LHFPL3: variants seen among roughly 807,000 people sequenced by gnomAD.
LHFPL3 encodes LHFPL tetraspan subfamily member 3 protein.
Under a neutral mutation model 19.3 loss-of-function variants are expected in LHFPL3, and 5 were observed. The ratio of observed to expected loss-of-function variants is 0.26; its 90% CI spans 0.14 to 0.54. LHFPL3 has a LOEUF of 0.54. Among genes scored for constraint, LHFPL3 ranks in the 20% least tolerant of loss-of-function variants. LHFPL3 has a pLI of 0.94. For synonymous variants in LHFPL3, 133 were observed against 126.2 expected (o/e 1.05, Z -0.36); for missense variants, 249 against 307.4 (o/e 0.81, Z 1.42).
At chr7:104,755,133 G>T (rs1794257885) in intron 2 of LHFPL3, among the ~76,000 whole-genome samples, 1 of 152,136 alleles carries the variant, frequency 6.6e-6, no homozygotes, top group African/African-American at 2.4e-5. Context: ...TCTGGGGGTG[G>T]CTTTGCCCCA....
intron 2 of LHFPL3, among the ~76,000 whole-genome samples, chr7:104,760,861 A>G (rs1214006769): frequency 6.6e-6 from 1 of 150,960 alleles, no homozygotes; most frequent in Admixed American, 6.6e-5. Context: ...GGGCCTTTCC[A>G]TTCCTCTTAT....
In LHFPL3 at chr7:104,647,648, T is replaced by G. The variant is rs569950601; in HGVS notation, c.446-89027T>G. ...AATAAGAAGAGTTTTGTTTTTCTCG[T>G]GTTAAATTCTTGGAATTTGTTTTAA... On this transcript the variant is annotated intron_variant, in intron 1 of 2. Coordinates refer to ENST00000424859, the MANE Select transcript of LHFPL3 (RefSeq NM_199000.3). Among the ~76,000 whole-genome samples the G allele has an allele frequency of 2.6e-3, 402 of 152,380 alleles. 2 individuals are homozygous for G. Among genetic ancestry groups the G allele is most frequent in the African/African-American group, 9.3e-3 (386 of 41,596 alleles).
chr7:104,337,527 C>T (rs988304050), intron 1 of LHFPL3, among the ~76,000 whole-genome samples: 1 of 152,036 alleles, frequency 6.6e-6, no homozygotes, highest in South Asian at 2.1e-4. Flanking sequence ...GGGAGAGATA[C>T]TAGATGTATG....
chr7:104,540,692 C>G (rs768160712), intron 1 of LHFPL3, among the ~76,000 whole-genome samples: 6 of 152,174 alleles, frequency 3.9e-5, no homozygotes, highest in Non-Finnish European at 7.3e-5. Context: ...TCATATTTAA[C>G]CATCACAATG....
At chr7:104,546,210 G>A (rs955660758) in intron 1 of LHFPL3, among the ~76,000 whole-genome samples, 1 of 152,120 alleles carries the variant, frequency 6.6e-6, no homozygotes, top group African/African-American at 2.4e-5. Context: ...TTTGCATCCT[G>A]ACTTTGAAAG....
At chr7:104,736,186 C>T (rs1017862425) in intron 1 of LHFPL3, among the ~76,000 whole-genome samples, 11 of 151,936 alleles carry the variant, frequency 7.2e-5, no homozygotes, top group Non-Finnish European at 1.6e-4. Context: ...AGGGGTGATC[C>T]CAATATAAAA....
At chr7:104,583,699 A>C (rs113074158) in intron 1 of LHFPL3, among the ~76,000 whole-genome samples, 1 of 152,058 alleles carries the variant, frequency 6.6e-6, no homozygotes, top group Non-Finnish European at 1.5e-5. Flanking sequence ...CAAAAAACAC[A>C]TGAAAAAATG....
chr7:104,474,439 C>T (rs1183406883), intron 1 of LHFPL3, among the ~76,000 whole-genome samples: 2 of 151,694 alleles, frequency 1.3e-5, no homozygotes, highest in South Asian at 2.1e-4. Flanking sequence ...TCGAGGCAGG[C>T]GCATCACGAG....
chr7:104,709,213 TA>T (rs1198745229), intron 1 of LHFPL3, among the ~76,000 whole-genome samples: 3 of 151,710 alleles, frequency 2.0e-5, no homozygotes, highest in African/African-American at 7.3e-5. Flanking sequence ...ATTTCATTTT[TA>T]TTTTTTTATT....
chr7:104,428,309 T>G (rs1791887147), intron 1 of LHFPL3, among the ~76,000 whole-genome samples: 1 of 152,124 alleles, frequency 6.6e-6, no homozygotes. Context: ...ATTAATTAAA[T>G]TGTGTCATGC....
At chr7:104,487,908 G>A (rs1013901512) in intron 1 of LHFPL3, among the ~76,000 whole-genome samples, 2 of 152,172 alleles carry the variant, frequency 1.3e-5, no homozygotes, top group African/African-American at 4.8e-5. Context: ...ACTATTACAT[G>A]TTAGTTGGGA....
In LHFPL3 at chr7:104,762,468, C is replaced by T. The variant is rs11978327; in HGVS notation, c.682+25557C>T. ...AAATATCTGGCCATAGAACTAAATA[C>T]GGAAGAGGAGACCAAGGGCAGGAGG... On this transcript the variant is annotated intron_variant, in intron 2 of 2. Coordinates refer to ENST00000424859, the MANE Select transcript of LHFPL3 (RefSeq NM_199000.3). Among the ~76,000 whole-genome samples the T allele has an allele frequency of 7.3e-3, 1,113 of 152,048 alleles. 14 individuals carry two copies. The highest frequency in any genetic ancestry group is 0.013 in the Non-Finnish European group (859 of 67,990).
chr7:104,706,998 G>A (rs1793203383), intron 1 of LHFPL3, among the ~76,000 whole-genome samples: 1 of 152,286 alleles, frequency 6.6e-6, no homozygotes. Flanking sequence ...CTCAGTGTAT[G>A]ACAATGAGAA....
chr7:104,740,861 A>G (rs919763962), intron 2 of LHFPL3, among the ~76,000 whole-genome samples: 2 of 152,218 alleles, frequency 1.3e-5, no homozygotes, highest in African/African-American at 4.8e-5. Flanking sequence ...AGGCTTTCTA[A>G]GTGTCATTGC....
intron 1 of LHFPL3, among the ~76,000 whole-genome samples, chr7:104,334,059 T>C (rs1476783959): frequency 6.6e-6 from 1 of 152,244 alleles, no homozygotes; most frequent in East Asian, 1.9e-4. Context: ...AGTGTCTGGT[T>C]TACAGTAAGT....
chr7:104,355,140 C>G (rs556734052), intron 1 of LHFPL3, among the ~76,000 whole-genome samples: 8 of 152,306 alleles, frequency 5.3e-5, no homozygotes, highest in African/African-American at 1.4e-4. Flanking sequence ...AATAGTACTG[C>G]TTTCCATGAC....
At chr7:104,606,969 C>A (rs1791114424) in intron 1 of LHFPL3, among the ~76,000 whole-genome samples, 1 of 151,876 alleles carries the variant, frequency 6.6e-6, no homozygotes, top group South Asian at 2.1e-4. Flanking sequence ...CAAAAAAAAA[C>A]AATCTTAGGT....
chr7:104,584,070 A>C (rs552384233), intron 1 of LHFPL3, among the ~76,000 whole-genome samples: 1 of 152,132 alleles, frequency 6.6e-6, no homozygotes, highest in Admixed American at 6.6e-5. Context: ...AATGTCCAAC[A>C]ATGATAGACT....
intron 2 of LHFPL3, among the ~76,000 whole-genome samples, chr7:104,903,264 G>A (rs900921528): frequency 3.9e-5 from 6 of 152,106 alleles, no homozygotes; most frequent in Admixed American, 2.6e-4. Flanking sequence ...GCACCAAGGA[G>A]AGAGAAACAG....
Sources: gnomAD v4.1 joint callset for allele counts (sites outside exome capture counted in the v4.1 genomes callset) on GRCh38, gnomAD v4.1.1 for gene constraint, MANE v1.5 for transcripts, NCBI Gene and HGNC (gene_info 2026-07-23, HGNC 2026-07-21) for gene names.